The following CEP128 variants were observed in gnomAD, a reference collection of about 807,000 sequenced individuals.
The protein encoded by CEP128 is centrosomal protein 128kDa.
In CEP128, 132 loss-of-function variants were observed where a neutral mutation model predicts 156.7. That is an observed-to-expected ratio of 0.84 (90% CI 0.73 to 0.97). The LOEUF (loss-of-function observed/expected upper bound fraction) is 0.97. Among genes scored for constraint, CEP128 ranks in the 50% least tolerant of loss-of-function variants. The pLI, the probability that CEP128 is intolerant of heterozygous loss-of-function variation, is 0.00. For missense variants in CEP128, 1,252 were observed against 1,281.9 expected (o/e 0.98, Z 0.36); for synonymous variants, 469 against 448.9 (o/e 1.04, Z -0.57).
chr14:80,955,727 C>A, intron 2 of CEP128: 1 of 1,614,118 alleles, frequency 6.2e-7, no homozygotes, highest in Non-Finnish European at 8.5e-7. Flanking sequence ...CTCGACCTGC[C>A]CAGGGACCTG....
At chr14:80,518,035 G>A (rs947866190) in intron 23 of CEP128, among the ~76,000 whole-genome samples, 3 of 151,456 alleles carry the variant, frequency 2.0e-5, no homozygotes, top group Admixed American at 6.6e-5. Context: ...TAACAAACAC[G>A]GACCAGAAGG....
intron 20 of CEP128, among the ~76,000 whole-genome samples, chr14:80,570,359 G>A (rs756864378): frequency 2.1e-4 from 32 of 152,070 alleles, no homozygotes; most frequent in Non-Finnish European, 2.9e-4. Context: ...CTGGGGATCC[G>A]CCCACCTCGG....
Position 80,886,154 on chromosome 14 carries a change from T to C in CEP128, c.645+9564A>G, listed in dbSNP as rs141145166. On this transcript the variant is annotated intron_variant, in intron 8 of 24. Coordinates refer to ENST00000555265, the MANE Select transcript of CEP128 (RefSeq NM_152446.5). ...GTGAAAAGACCAAACCTATGTTTCA[T>C]TGGTGTACCTGAAAGTGATGGGGAG... 7.0e-3 allele frequency among the ~76,000 whole-genome samples: 1,064 copies of C among 152,274 alleles called. 10 individuals carry two copies. The highest frequency in any genetic ancestry group is 0.024 in the African/African-American group (996 of 41,546).
intron 16 of CEP128, 81 bp from the exon 17 acceptor site, chr14:80,761,694 C>G (rs940881185): frequency 3.0e-6 from 3 of 983,786 alleles, no homozygotes; most frequent in Non-Finnish European, 4.4e-6. Flanking sequence ...GTTCAACCAA[C>G]TAGAAGTGGA....
chr14:80,559,310 G>T lies in CEP128; in HGVS notation c.2857-8C>A, dbSNP rs1336393659. The T allele has an allele frequency of 1.9e-6, 3 of 1,594,914 alleles. No individual in the cohort carries two copies. Among genetic ancestry groups the T allele is most frequent in the Admixed American group, 3.6e-5 (2 of 56,032 alleles). On this transcript the variant is annotated splice_region_variant and splice_polypyrimidine_tract_variant and intron_variant, in intron 20 of 24. Coordinates refer to ENST00000555265, the MANE Select transcript of CEP128 (RefSeq NM_152446.5). ...TAATGCAATTACACGGTCCTGCAAA[G>T]AAAGCATAATATATAATTATAAAAC...
chr14:80,605,127 C>T (rs1484364236), intron 19 of CEP128, among the ~76,000 whole-genome samples: 2 of 152,026 alleles, frequency 1.3e-5, no homozygotes, highest in South Asian at 2.1e-4. Context: ...TTGGCCATAA[C>T]GATCCTATCA....
At chr14:80,644,563 T>C (rs981333181) in intron 19 of CEP128, among the ~76,000 whole-genome samples, 1 of 152,238 alleles carries the variant, frequency 6.6e-6, no homozygotes, top group Non-Finnish European at 1.5e-5. Context: ...GAAATTCCAC[T>C]GATACAGAAT....
chr14:80,905,039 G>A lies in CEP128; in HGVS notation c.362-108C>T, dbSNP rs532392044. The A allele has an allele frequency of 1.1e-3, 777 of 702,694 alleles. 18 individuals carry two copies. The South Asian group carries it at 0.013, about 12-fold the overall frequency. 43.5% of individuals were successfully genotyped at this position (702,694 alleles called of 1,614,324 possible). A position where few individuals can be genotyped will look rare whatever the true frequency, so the allele number is the denominator to read the frequency against. On this transcript the variant is annotated intron_variant, in intron 5 of 24. Transcript: ENST00000555265. Reference sequence around the variant, plus strand: ...CAGACATGGATATACATATATTCATGTCCCTAACCCAGACTATTTCCCAAG... The same window carrying A: ...CAGACATGGATATACATATATTCATATCCCTAACCCAGACTATTTCCCAAG...
At chr14:80,621,723 G>A (rs1566816430) in intron 19 of CEP128, among the ~76,000 whole-genome samples, 1 of 152,038 alleles carries the variant, frequency 6.6e-6, no homozygotes, top group Non-Finnish European at 1.5e-5. Flanking sequence ...TTTTGTCTTT[G>A]GCTTCAAAGG....
chr14:80,658,456 T>C (rs1250024649), intron 19 of CEP128, among the ~76,000 whole-genome samples: 1 of 152,212 alleles, frequency 6.6e-6, no homozygotes, highest in African/African-American at 2.4e-5. Context: ...GGACATGATC[T>C]GATTTCTAGA....
intron 21 of CEP128, among the ~76,000 whole-genome samples, chr14:80,555,730 T>A (rs1489332097): frequency 6.6e-6 from 1 of 152,070 alleles, no homozygotes; most frequent in East Asian, 1.9e-4. Flanking sequence ...TTCTTCATAT[T>A]TCAGAAATAA....
At chr14:80,535,598 C>T (rs143063553) in intron 21 of CEP128, among the ~76,000 whole-genome samples, 59 of 150,566 alleles carry the variant, frequency 3.9e-4, no homozygotes, top group African/African-American at 5.6e-4. Context: ...CACACGCGCA[C>T]GCATACATGC....
At chr14:80,682,763 A>G (rs1295253581) in intron 19 of CEP128, among the ~76,000 whole-genome samples, 1 of 152,252 alleles carries the variant, frequency 6.6e-6, no homozygotes. Context: ...AAGATTTACA[A>G]GCCAGGAGAG....
intron 19 of CEP128, among the ~76,000 whole-genome samples, chr14:80,693,108 A>G (rs1048717077): frequency 2.6e-5 from 4 of 152,212 alleles, no homozygotes; most frequent in Non-Finnish European, 5.9e-5. Flanking sequence ...GGTCAAAGAT[A>G]TGCTGGAAGT....
At chr14:80,938,698 T>C (rs1164659881) in intron 2 of CEP128, among the ~76,000 whole-genome samples, 1 of 152,186 alleles carries the variant, frequency 6.6e-6, no homozygotes, top group Non-Finnish European at 1.5e-5. Flanking sequence ...CCCTTAATTA[T>C]CAATGATAAT....
At chr14:80,811,658 T>C (rs1003428641) in intron 13 of CEP128, among the ~76,000 whole-genome samples, 1 of 146,798 alleles carries the variant, frequency 6.8e-6, no homozygotes, top group Non-Finnish European at 1.5e-5. Flanking sequence ...TGTGTGTGTA[T>C]GTGTGTGTGT....
rs1889338891 is a variant in CEP128 at position 80,533,672 on chromosome 14, C to T, written c.2881-2786G>A. Among the ~76,000 whole-genome samples the T allele has an allele frequency of 1.3e-5, 2 of 152,078 alleles. 1 individual carries two copies. The highest frequency in any genetic ancestry group is 4.1e-4 in the South Asian group (2 of 4,824). On this transcript the variant is annotated intron_variant, in intron 21 of 24. Coordinates refer to ENST00000555265, the MANE Select transcript of CEP128 (RefSeq NM_152446.5). ...TTTTTATTCTCCCCTCCCTTGCCAT[C>T]CCCCGCTGCCCCCATCTCCCTTAAC...
chr14:80,911,446 C>G (rs941591981), intron 4 of CEP128, among the ~76,000 whole-genome samples: 1 of 152,214 alleles, frequency 6.6e-6, no homozygotes, highest in Non-Finnish European at 1.5e-5. Context: ...TTCAAGGCTA[C>G]AGTGAGCTGT....
At chr14:80,856,746 T>TTTTTTG in intron 9 of CEP128, among the ~76,000 whole-genome samples, 1 of 120,606 alleles carries the variant, frequency 8.3e-6, no homozygotes, top group African/African-American at 3.3e-5. Context: ...TTTTTTTTTT[T>TTTTTTG]TTGAGACAGG....
Sources: gnomAD v4.1 joint callset for allele counts (sites outside exome capture counted in the v4.1 genomes callset) on GRCh38, gnomAD v4.1.1 for gene constraint, MANE v1.5 for transcripts, NCBI Gene and HGNC (gene_info 2026-07-23, HGNC 2026-07-21) for gene names.